Variants in CARS1 observed in about 807,000 individuals in gnomAD.
CARS1 encodes cysteinyl-tRNA synthetase 1.
A neutral mutation model predicts 106.2 loss-of-function variants in CARS1; 48 were observed. That is an observed-to-expected ratio of 0.45 (90% CI 0.36 to 0.57). CARS1 has a LOEUF of 0.57. Ranked by LOEUF, CARS1 falls within the 20% of genes least tolerant of loss-of-function variation. The pLI, the probability that CARS1 is intolerant of heterozygous loss-of-function variation, is 0.00. For synonymous variants in CARS1, 409 were observed against 403.4 expected, an observed-to-expected ratio of 1.01 and a Z score of -0.17; for missense variants, 968 against 1,057.2, an observed-to-expected ratio of 0.92 and a Z score of 1.17.
Position 3,004,269 on chromosome 11 carries a change from T to C in CARS1, c.2217+1097A>G, listed in dbSNP as rs991306557. The stretch of plus-strand genomic sequence containing the variant: ...CTAGAGCTTTCCCCAGAGTTCCAGT[T>C]CGTTATTCCTCCAAAGCACTGCAAA... On this transcript the variant is annotated intron_variant, in intron 20 of 22. Transcript: ENST00000380525. The surrounding 1 kb of genome is among the most constrained non-coding windows in gnomAD (Gnocchi z 5.2). Among the ~76,000 whole-genome samples the C allele has an allele frequency of 3.3e-5, 5 of 152,224 alleles. No homozygotes were observed. The highest frequency in any genetic ancestry group is 1.2e-4 in the African/African-American group (5 of 41,454).
In CARS1 at chr11:3,003,080, A is replaced by C. The variant is rs531289185; in HGVS notation, c.2218-480T>G. Among the ~76,000 whole-genome samples, 4 of 152,052 alleles carry C rather than the reference A, an allele frequency of 2.6e-5. No homozygotes were observed. Among genetic ancestry groups the C allele is most frequent in the Admixed American group, 2.0e-4 (3 of 15,288 alleles). On this transcript the variant is annotated intron_variant, in intron 20 of 22. Transcript: ENST00000380525. The surrounding 1 kb of genome is among the most constrained non-coding windows in gnomAD (Gnocchi z 4.8). ...GCAGCCTTGGGGGCTAGGTGAGGAG[A>C]CCAGAGCCCACTCCAACCAGCAGGC...
At position 3,017,836 on chromosome 11, in the gene CARS1, A is replaced by C. The variant is rs374365406; in HGVS notation, c.1727+21T>G. On this transcript the variant is annotated intron_variant, in intron 15 of 22. Transcript: ENST00000380525. This position sits in a 1 kb window ranked among gnomAD's most constrained non-coding sequence, Gnocchi z 4.9. Reference sequence around the variant, plus strand: ...GAACATGGGCATGCTCAAAAACCCCAAAGAAATGGCACCACCTTACTTCTT... The same window carrying C: ...GAACATGGGCATGCTCAAAAACCCCCAAGAAATGGCACCACCTTACTTCTT... 1.3e-6 allele frequency: 2 copies of C among 1,561,654 alleles called. No homozygotes were observed. The highest frequency in any genetic ancestry group is 2.7e-5 in the African/African-American group (2 of 73,790).
In CARS1 at chr11:3,017,244, G is replaced by A. The variant is rs777848644; in HGVS notation, c.1779C>T (p.Asp593=). Residue 593 remains aspartate, a synonymous_variant, in exon 16 of 23, where the codon GAC becomes GAT. Coordinates refer to ENST00000380525, the MANE Select transcript of CARS1 (RefSeq NM_001014437.3). This position sits in a 1 kb window ranked among gnomAD's most constrained non-coding sequence, Gnocchi z 4.9. ...GCATCTCTTCCATGACGGTGCGGGTGTCAACATTGTCACAGAGGGCTTTGT... is the reference window on the plus strand; with the variant it reads ...GCATCTCTTCCATGACGGTGCGGGTATCAACATTGTCACAGAGGGCTTTGT... ...AIHKALCDNV[D]TRTVMEEMRA... 5.0e-6 allele frequency: 8 copies of A among 1,614,062 alleles called. No individual in the cohort carries two copies. The highest frequency in any genetic ancestry group is 1.6e-4 in the Middle Eastern group (1 of 6,084).
At chr11:3,002,177 A>G (rs1849456646) in intron 21 of CARS1, 124 bp from the exon 22 acceptor site, 5 of 732,770 alleles carry the variant, frequency 6.8e-6, no homozygotes, top group Non-Finnish European at 1.2e-5. Context: ...TCAGAGTGCT[A>G]TGAAAGATGG....
rs376159166 is a variant in CARS1, at chr11:3,053,266, C to T, written c.25+4077G>A. ...TTATTTTTTGAGACGGAGTCTCGCT[C>T]GTCACCCAGGCTGGAGTGCAGTGGC... On this transcript the variant is annotated intron_variant, in intron 1 of 22. Coordinates refer to ENST00000380525, the MANE Select transcript of CARS1 (RefSeq NM_001014437.3). This position sits in a 1 kb window ranked among gnomAD's most constrained non-coding sequence, Gnocchi z 6.6. Among the ~76,000 whole-genome samples, 10 of 152,032 alleles carry T rather than the reference C, an allele frequency of 6.6e-5. No homozygotes were observed. Among genetic ancestry groups the T allele is most frequent in the African/African-American group, 2.2e-4 (9 of 41,460 alleles).
rs1034556318 is a variant in CARS1 at position 3,017,357 on chromosome 11, A to G, written c.1728-62T>C. The G allele has an allele frequency of 6.7e-7, 1 of 1,490,854 alleles. No homozygotes were observed. The highest frequency in any genetic ancestry group is 1.7e-5 in the Admixed American group (1 of 58,342). 92.4% of individuals were successfully genotyped at this position (1,490,854 alleles called of 1,614,324 possible). A position where few individuals can be genotyped will look rare whatever the true frequency, so the allele number is the denominator to read the frequency against. Reference sequence around the variant, plus strand: ...TGAAAACACACCATAGAAATTCCCCATGTGGCCAGGCGCAGTGGCTCACGC... The same window carrying G: ...TGAAAACACACCATAGAAATTCCCCGTGTGGCCAGGCGCAGTGGCTCACGC... On this transcript the variant is annotated intron_variant, in intron 15 of 22. Transcript: ENST00000380525. This position sits in a 1 kb window ranked among gnomAD's most constrained non-coding sequence, Gnocchi z 4.9.
chr11:3,042,596 G>T (rs576889540), intron 2 of CARS1, among the ~76,000 whole-genome samples: 1 of 152,286 alleles, frequency 6.6e-6, no homozygotes, highest in East Asian at 1.9e-4. Flanking sequence ...CCCCAGGAGG[G>T]CGGAGGAATG....
chr11:3,057,275 C>A, intron 1 of CARS1, 68 bp downstream of exon 1: 2 of 1,408,712 alleles, frequency 1.4e-6, no homozygotes, highest in East Asian at 2.4e-5. Flanking sequence ...CGCTGCCCTT[C>A]GAGCCGAGCA....
chr11:3,056,662 T>C (rs977954412), intron 1 of CARS1, among the ~76,000 whole-genome samples: 5 of 152,170 alleles, frequency 3.3e-5, no homozygotes, highest in Admixed American at 6.5e-5. Flanking sequence ...CTCTGCCCCA[T>C]TTCCCTAAAT....
rs1590367070 is a variant in CARS1, at chr11:3,017,512, G to A, written c.1728-217C>T. ...TCTGAAATTAGCCAGGTATGGTGGC[G>A]CATGCCTGTAACCCCAGCTACTCGG... On this transcript the variant is annotated intron_variant, in intron 15 of 22. Transcript: ENST00000380525. The surrounding 1 kb of genome is among the most constrained non-coding windows in gnomAD (Gnocchi z 4.9). The A allele has an allele frequency of 1.6e-5, 9 of 575,016 alleles. No individual in the cohort carries two copies. Among genetic ancestry groups the A allele is most frequent in the South Asian group, 4.4e-5 (2 of 44,944 alleles). 35.6% of individuals were successfully genotyped at this position (575,016 alleles called of 1,614,324 possible). A position where few individuals can be genotyped will look rare whatever the true frequency, so the allele number is the denominator to read the frequency against.
chr11:3,004,077 G>A lies in CARS1; in HGVS notation c.2217+1289C>T, dbSNP rs1470032904. Among the ~76,000 whole-genome samples the A allele has an allele frequency of 6.6e-6, 1 of 152,198 alleles. No individual in the cohort carries two copies. The highest frequency in any genetic ancestry group is 2.4e-5 in the African/African-American group (1 of 41,448). ...AGGGCGTCTGCACAGCCAGCACCAG[G>A]CCACCTCACAGCACAGCACGGCAGG... On this transcript the variant is annotated intron_variant, in intron 20 of 22. Coordinates refer to ENST00000380525, the MANE Select transcript of CARS1 (RefSeq NM_001014437.3). This position sits in a 1 kb window ranked among gnomAD's most constrained non-coding sequence, Gnocchi z 5.2.
rs1233075248 is a variant in CARS1, at chr11:3,047,832, G to A, written c.195C>T (p.His65=). Residue 65 remains histidine (H), a synonymous_variant, in exon 2 of 23, where the codon CAC becomes CAT. Transcript: ENST00000380525. ...CTATGTGCCTGAACCACCGAGCCAC[G>A]TGGAAGAGCTGGGGGTCAGCGGGCG... The part of the protein sequence containing the change: ...SAPPADPQLF[H]VARWFRHIEA... 3.1e-6 allele frequency: 5 copies of A among 1,614,174 alleles called. No homozygotes were observed. The highest frequency in any genetic ancestry group is 2.2e-5 in the East Asian group (1 of 44,876).
At chr11:3,006,222 G>C (rs896271399) in intron 19 of CARS1, among the ~76,000 whole-genome samples, 3 of 152,232 alleles carry the variant, frequency 2.0e-5, no homozygotes, top group African/African-American at 7.2e-5. Context: ...GAGGTGGGCA[G>C]ATTACTTGAG....
intron 18 of CARS1, chr11:3,007,962 T>A (rs1483751900): frequency 6.6e-6 from 1 of 152,122 alleles, no homozygotes; most frequent in African/African-American, 2.4e-5. Flanking sequence ...GACTCCAGAG[T>A]ATCAGGTGAT....
chr11:3,009,987 G>C (rs1299070041), intron 18 of CARS1, among the ~76,000 whole-genome samples: 2 of 152,202 alleles, frequency 1.3e-5, no homozygotes, highest in African/African-American at 2.4e-5. Context: ...GATCCCCAGG[G>C]TCTCTGGCTC....
rs1423923107 is a variant in CARS1, at chr11:3,043,020, G to C, written c.275-764C>G. ...GACACTGGGCTTCAAGCTCCACATA[G>C]GTCTATACTGCCTTCATAAATAACC... is the stretch of plus-strand genomic sequence containing the variant. On this transcript the variant is annotated intron_variant, in intron 2 of 22. Coordinates refer to ENST00000380525, the MANE Select transcript of CARS1 (RefSeq NM_001014437.3). This position sits in a 1 kb window ranked among gnomAD's most constrained non-coding sequence, Gnocchi z 4.0. Among the ~76,000 whole-genome samples, 12 of 152,104 alleles carry C rather than the reference G, an allele frequency of 7.9e-5. 1 individual carries two copies. Among genetic ancestry groups the C allele is most frequent in the Admixed American group, 7.9e-4 (12 of 15,270 alleles).
At chr11:3,047,626 G>C (rs895271000) in intron 2 of CARS1, 127 bp downstream of exon 2, 17 of 1,309,956 alleles carry the variant, frequency 1.3e-5, no homozygotes, top group Admixed American at 4.6e-5. Flanking sequence ...CCACTTGCTC[G>C]AGACACACTT....
At position 3,017,177 on chromosome 11, in the gene CARS1, T is replaced by C; in HGVS notation, c.1846A>G (p.Lys616Glu). The part of the protein sequence containing the change: ...SQCNLYMAAR[K>E]AVRKRPNQAL... ...TGGTTGGGCCTCTTCCTCACGGCTTTCCGGGCTGCCATATAGAGGTTGCAC... is the reference window on the plus strand; with the variant it reads ...TGGTTGGGCCTCTTCCTCACGGCTTCCCGGGCTGCCATATAGAGGTTGCAC... The change falls in exon 16 of 23, where the codon AAA becomes GAA. Residue 616 changes from lysine (K) to glutamate (E), a missense_variant. Coordinates refer to ENST00000380525, the MANE Select transcript of CARS1 (RefSeq NM_001014437.3). This position sits in a 1 kb window ranked among gnomAD's most constrained non-coding sequence, Gnocchi z 4.9. 1 of 1,614,166 alleles carries C rather than the reference T, an allele frequency of 6.2e-7. No homozygotes were observed.
In CARS1 at chr11:3,019,540, A is replaced by G. The variant is rs997274896; in HGVS notation, c.1267-273T>C. ...GAAACCCCGTCTCTACTAAAAATAC[A>G]AAAAAATACAAAAATTAGCTGAGCA... On this transcript the variant is annotated intron_variant, in intron 11 of 22. Coordinates refer to ENST00000380525, the MANE Select transcript of CARS1 (RefSeq NM_001014437.3). This position sits in a 1 kb window ranked among gnomAD's most constrained non-coding sequence, Gnocchi z 6.2. Among the ~76,000 whole-genome samples the G allele has an allele frequency of 2.6e-5, 4 of 152,042 alleles. No homozygotes were observed. The highest frequency in any genetic ancestry group is 9.7e-5 in the African/African-American group (4 of 41,388).
Sources: gnomAD v4.1 joint callset for allele counts (sites outside exome capture counted in the v4.1 genomes callset) on GRCh38, gnomAD v4.1.1 for gene constraint, Gnocchi (gnomAD v3.1) non-coding constraint, MANE v1.5 for transcripts, NCBI Gene and HGNC (gene_info 2026-07-23, HGNC 2026-07-21) for gene names.